The following PIERCE1 variants were observed in gnomAD, a reference collection of about 807,000 sequenced individuals.
The protein encoded by PIERCE1 is piercer of microtubule wall 1 protein.
At chr9:135,499,127 G>C in the PIERCE1 span, 13 of 281,918 alleles carry the variant, frequency 4.6e-5, no homozygotes, top group South Asian at 4.4e-4. Flanking sequence ...CTACTGAGAG[G>C]CTGCAGGCCC....
At chr9:135,497,452 G>A in the PIERCE1 span, among the ~76,000 whole-genome samples, 1 of 149,940 alleles carries the variant, frequency 6.7e-6, no homozygotes, top group Non-Finnish European at 1.5e-5. Context: ...AACAGGGTCT[G>A]GCTCTCACCC....
the PIERCE1 span, among the ~76,000 whole-genome samples, chr9:135,497,152 A>T: frequency 6.6e-6 from 1 of 152,188 alleles, no homozygotes; most frequent in East Asian, 1.9e-4. Context: ...ATGGGAGGTA[A>T]ACAGCTTCTC....
At chr9:135,498,476 T>G in the PIERCE1 span, 3 of 884,260 alleles carry the variant, frequency 3.4e-6, no homozygotes, top group Admixed American at 2.2e-5. This position sits in a 1 kb window ranked among gnomAD's most constrained non-coding sequence, Gnocchi z 4.1. Flanking sequence ...CCTCCCTGGG[T>G]GCACCCCTCC....
At chr9:135,499,818 G>A in the PIERCE1 span, 13 of 1,602,334 alleles carry the variant, frequency 8.1e-6, no homozygotes, top group African/African-American at 1.1e-4. Flanking sequence ...GGCGCCACAG[G>A]CTCCGCGCAC....
At chr9:135,499,464 G>C in the PIERCE1 span, 3 of 705,090 alleles carry the variant, frequency 4.3e-6, no homozygotes, top group South Asian at 4.5e-5. Context: ...CAGTGGAGCT[G>C]AGACCACAAC....
At chr9:135,499,815 C>T in the PIERCE1 span, 12 of 1,602,928 alleles carry the variant, frequency 7.5e-6, no homozygotes, top group Middle Eastern at 1.7e-4. Flanking sequence ...TTGGGCGCCA[C>T]AGGCTCCGCG....
the PIERCE1 span, among the ~76,000 whole-genome samples, chr9:135,497,715 G>A: frequency 9.2e-4 from 140 of 152,256 alleles, no homozygotes; most frequent in Non-Finnish European, 1.2e-3. Flanking sequence ...GTGAGCCACC[G>A]CATCCAGCTG....
At chr9:135,499,461 G>C in the PIERCE1 span, 1 of 701,550 alleles carries the variant, frequency 1.4e-6, no homozygotes, top group South Asian at 1.5e-5. Flanking sequence ...AATCAGTGGA[G>C]CTGAGACCAC....
the PIERCE1 span, chr9:135,499,681 A>C: frequency 6.2e-7 from 1 of 1,605,840 alleles, no homozygotes. Flanking sequence ...AGTGGACGCC[A>C]GGACCAGGCG....
At chr9:135,497,107 CT>C in the PIERCE1 span, among the ~76,000 whole-genome samples, 1 of 152,046 alleles carries the variant, frequency 6.6e-6, no homozygotes, top group Non-Finnish European at 1.5e-5. Context: ...TTTCAGTGCA[CT>C]TTTTAATGCA....
chr9:135,498,859 G>A, the PIERCE1 span: 5 of 590,442 alleles, frequency 8.5e-6, no homozygotes, highest in Admixed American at 2.7e-5. This position sits in a 1 kb window ranked among gnomAD's most constrained non-coding sequence, Gnocchi z 4.1. Flanking sequence ...CGGCCTCCCC[G>A]GCCCCCTCTG....
the PIERCE1 span, chr9:135,499,859 G>A: frequency 2.5e-3 from 3,898 of 1,552,868 alleles, 87 homozygotes; most frequent in African/African-American, 0.048. Flanking sequence ...CATTGTGCCT[G>A]GAGGAGAAGC....
chr9:135,499,846 A>G, the PIERCE1 span: 3 of 1,579,108 alleles, frequency 1.9e-6, no homozygotes, highest in East Asian at 2.3e-5. Context: ...GGCATTCCTC[A>G]GCCATTGTGC....
the PIERCE1 span, chr9:135,499,538 T>C: frequency 8.8e-6 from 8 of 911,212 alleles, no homozygotes; most frequent in Non-Finnish European, 1.4e-5. Context: ...TGTATGAGGC[T>C]CTAGGGAGCA....
At chr9:135,499,822 C>A in the PIERCE1 span, 6 of 1,601,704 alleles carry the variant, frequency 3.7e-6, no homozygotes, top group South Asian at 6.7e-5. Flanking sequence ...CCACAGGCTC[C>A]GCGCACGCTC....
chr9:135,497,337 A>T, the PIERCE1 span, among the ~76,000 whole-genome samples: 3 of 151,618 alleles, frequency 2.0e-5, no homozygotes, highest in Non-Finnish European at 4.4e-5. Context: ...ACATTTTTTC[A>T]TGGCCTTTTA....
At chr9:135,495,569 G>T in the PIERCE1 span, 1 of 1,613,642 alleles carries the variant, frequency 6.2e-7, no homozygotes, top group Non-Finnish European at 8.5e-7. Context: ...CATTCCACCC[G>T]CTGCAAGTTG....
chr9:135,498,148 G>A, the PIERCE1 span, among the ~76,000 whole-genome samples: 1 of 152,272 alleles, frequency 6.6e-6, no homozygotes, highest in East Asian at 1.9e-4. The surrounding 1 kb of genome is among the most constrained non-coding windows in gnomAD (Gnocchi z 4.1). Context: ...CACAAGCTGT[G>A]CCGTCAGCCA....
the PIERCE1 span, chr9:135,499,716 C>T: frequency 4.4e-6 from 7 of 1,608,062 alleles, no homozygotes; most frequent in Non-Finnish European, 8.5e-7. Context: ...CACCTGTAGC[C>T]CCGGAACCAC....
Sources: allele counts gnomAD v4.1 joint callset (sites outside exome capture counted in the v4.1 genomes callset), GRCh38; gene constraint gnomAD v4.1.1; non-coding constraint Gnocchi (gnomAD v3.1); transcripts MANE v1.5; gene names NCBI Gene and HGNC (gene_info 2026-07-23, HGNC 2026-07-21).